The following PLD6 variants were observed in gnomAD, a reference collection of about 807,000 sequenced individuals.
The protein encoded by PLD6 is phospholipase D family member 6, also known as mitochondrial cardiolipin hydrolase.
Under a neutral mutation model 9.7 loss-of-function variants are expected in PLD6, and 10 were observed. That is an observed-to-expected ratio of 1.03 (90% CI 0.64 to 1.75). PLD6 has a LOEUF of 1.75. PLD6 is among the 40% of genes most tolerant of loss of function. The pLI, the probability that PLD6 is intolerant of heterozygous loss-of-function variation, is 0.00. For missense variants in PLD6, 334 were observed against 347.6 expected (o/e 0.96, Z 0.31); for synonymous variants, 152 against 159.2 (o/e 0.96, Z 0.34).
chr17:17,201,930 G>A lies in PLD6; in HGVS notation c.*837C>T, dbSNP rs2046677640. On this transcript the variant is annotated 3_prime_UTR_variant, in exon 2 of 2. Transcript: ENST00000321560. ...GAACCCAGGAGGCAGAGGATGCAGT[G>A]AGCCGAGGTTGTGCCACTGCACTCC... is the stretch of plus-strand genomic sequence containing the variant. 6.6e-6 allele frequency: 1 copy of A among 152,206 alleles called. No individual in the cohort carries two copies. Among genetic ancestry groups the A allele is most frequent in the Non-Finnish European group, 1.5e-5 (1 of 68,060 alleles). 9.4% of individuals were successfully genotyped at this position (152,206 alleles called of 1,614,324 possible).
Position 17,202,482 on chromosome 17 carries a change from T to C in PLD6, c.*285A>G. 1 of 412,012 alleles carries C rather than the reference T, an allele frequency of 2.4e-6. No homozygotes were observed. Among genetic ancestry groups the C allele is most frequent in the Non-Finnish European group, 4.4e-6 (1 of 225,098 alleles). The allele number at this position is 412,012 out of a possible 1,614,324, so 25.5% of individuals were successfully genotyped here. A position where few individuals can be genotyped will look rare whatever the true frequency, so the allele number is the denominator to read the frequency against. On this transcript the variant is annotated 3_prime_UTR_variant, in exon 2 of 2. Transcript: ENST00000321560. ...CCTGGAAGAGGCACTGTGCCTTTTC[T>C]GTGCTGTAGCAGAAGTTTCGATTCC...
rs575487127 is a variant in PLD6 at position 17,201,684 on chromosome 17, A to G, written c.*1083T>C. 7 of 152,380 alleles carry G rather than the reference A, an allele frequency of 4.6e-5. No individual in the cohort carries two copies. The highest frequency in any genetic ancestry group is 1.7e-4 in the African/African-American group (7 of 41,578). 9.4% of individuals were successfully genotyped at this position (152,380 alleles called of 1,614,324 possible). A position where few individuals can be genotyped will look rare whatever the true frequency, so the allele number is the denominator to read the frequency against. Reference sequence around the variant, plus strand: ...AAAATTACCTTAACATTAGGACATTAAAAGTTAAAAGCCCGGCCGGGCATG... The same window carrying G: ...AAAATTACCTTAACATTAGGACATTGAAAGTTAAAAGCCCGGCCGGGCATG... On this transcript the variant is annotated 3_prime_UTR_variant, in exon 2 of 2. Transcript: ENST00000321560.
chr17:17,201,156 T>G lies in PLD6; in HGVS notation c.*1611A>C, dbSNP rs577264760. On this transcript the variant is annotated 3_prime_UTR_variant, in exon 2 of 2. Transcript: ENST00000321560. ...TTCTGGTGACTTCCAATCTATATAT[T>G]ATACTTTACAGCTTCAATTGAATTT... 1.3e-5 allele frequency: 2 copies of G among 152,386 alleles called. No individual in the cohort carries two copies. The highest frequency in any genetic ancestry group is 2.9e-5 in the Non-Finnish European group (2 of 68,048). The allele number at this position is 152,386 out of a possible 1,614,324, so 9.4% of individuals were successfully genotyped here.
At position 17,202,977 on chromosome 17, in the gene PLD6, CCT is replaced by C. The variant is rs1567798591; in HGVS notation, c.547_548del (p.Arg183GlyfsTer20). The C allele has an allele frequency of 6.2e-7, 1 of 1,614,216 alleles. No homozygotes were observed. The highest frequency in any genetic ancestry group is 1.1e-5 in the South Asian group (1 of 91,078). ...NWTTQAIQNN[R>X]ENVLITEDDE... is the part of the protein sequence containing the mutation. ...CGTCCTCCGTGATGAGAACATTCTC[CCT>C]GTTGTTCTGGATGGCTTGCGTGGTC... On this transcript the variant is annotated frameshift_variant, in exon 2 of 2. Coordinates refer to ENST00000321560, the MANE Select transcript of PLD6 (RefSeq NM_178836.4). LOFTEE classifies it low-confidence loss of function (END_TRUNC).
At position 17,202,832 on chromosome 17, in the gene PLD6, T is replaced by A. The variant is rs1389423400; in HGVS notation, c.694A>T (p.Arg232Ter). The A allele has an allele frequency of 6.2e-7, 1 of 1,614,088 alleles. No homozygotes were observed. The highest frequency in any genetic ancestry group is 2.2e-5 in the East Asian group (1 of 44,896). Residue 232 changes from arginine to a stop codon, truncating the protein, a stop_gained, in exon 2 of 2, where the codon AGA (arginine) becomes TGA (stop). Coordinates refer to ENST00000321560, the MANE Select transcript of PLD6 (RefSeq NM_178836.4). LOFTEE classifies it low-confidence loss of function (END_TRUNC). ...CATGAAAGCAATCTCCCTCCAGCTC[T>A]GGAGACAGGTGGGGCACAGCTTCCG... ...SHGSCAPPVS[R>*]AGGRLLSWHR...
chr17:17,205,968 C>T lies in PLD6; in HGVS notation c.319G>A (p.Gly107Ser). Reference protein sequence around the residue: ...CLFAFSSPQLGRAVQLLHQRG... With the variant: ...CLFAFSSPQLSRAVQLLHQRG... ...TGGTGCAGCAACTGCACGGCGCGGC[C>T]CAGCTGCGGGCTGGAGAAGGCGAAC... The change falls in exon 1 of 2, where the codon GGC (glycine) becomes AGC (serine). Residue 107 changes from glycine to serine, a missense_variant. Physicochemically the swap from Gly to Ser is moderately conservative, Grantham distance 56 (BLOSUM62 0). Transcript: ENST00000321560. The T allele has an allele frequency of 6.4e-7, 1 of 1,556,266 alleles. No homozygotes were observed. Among genetic ancestry groups the T allele is most frequent in the Non-Finnish European group, 8.7e-7 (1 of 1,151,824 alleles).
rs4985749 is a variant in PLD6 at position 17,202,368 on chromosome 17, G to A, written c.*399C>T. 105,916 of 196,318 alleles carry A rather than the reference G, an allele frequency of 0.54. 32,670 individuals carry two copies. Among genetic ancestry groups the A allele is most frequent in the East Asian group, 0.71 (5,949 of 8,348 alleles). 12.2% of individuals were successfully genotyped at this position (196,318 alleles called of 1,614,324 possible). A position where few individuals can be genotyped will look rare whatever the true frequency, so the allele number is the denominator to read the frequency against. On this transcript the variant is annotated 3_prime_UTR_variant, in exon 2 of 2. Coordinates refer to ENST00000321560, the MANE Select transcript of PLD6 (RefSeq NM_178836.4). ...ACCCCAGTCGTGCCACATGGAGAGA[G>A]GGATGAAATCTCAGGGAGATGCTGA... is the stretch of plus-strand genomic sequence containing the variant.
chr17:17,205,868 C>A lies in PLD6; in HGVS notation c.419G>T (p.Arg140Leu). The change falls in exon 1 of 2, where the codon CGC (arginine) becomes CTC (leucine). Residue 140 changes from arginine (R) to leucine (L), a missense_variant. Physicochemically the swap from Arg to Leu is moderately radical, Grantham distance 102. Coordinates refer to ENST00000321560, the MANE Select transcript of PLD6 (RefSeq NM_178836.4). Reference sequence around the variant, plus strand: ...GACCCCGCCGGGCCTACCTGCCTTGCGCAGCAGACCGATTTGCGAGCCGTT... The same window carrying A: ...GACCCCGCCGGGCCTACCTGCCTTGAGCAGCAGACCGATTTGCGAGCCGTT... ...ALNGSQIGLL[R>L]KAGIQVRHDQ... is the part of the protein sequence containing the mutation. The A allele has an allele frequency of 8.3e-6, 13 of 1,569,516 alleles. No individual in the cohort carries two copies. The highest frequency in any genetic ancestry group is 1.1e-5 in the Non-Finnish European group (13 of 1,158,500).
chr17:17,206,220 G>C lies in PLD6; in HGVS notation c.67C>G (p.Leu23Val), dbSNP rs768792752. Reference sequence around the variant, plus strand: ...CGCAGCCAGCGCAGCACCCAAGGCAGCGCCTCCAGAGTCAGAGCCAGGCCC... The same window carrying C: ...CGCAGCCAGCGCAGCACCCAAGGCACCGCCTCCAGAGTCAGAGCCAGGCCC... ...AVGLALTLEA[L>V]PWVLRWLRSR... Residue 23 changes from leucine (L) to valine (V), a missense_variant, in exon 1 of 2, where the codon CTG (leucine) becomes GTG (valine). Transcript: ENST00000321560. The C allele has an allele frequency of 5.8e-6, 9 of 1,541,348 alleles. No homozygotes were observed. Among genetic ancestry groups the C allele is most frequent in the South Asian group, 1.2e-5 (1 of 84,704 alleles).
At chr17:17,205,795 C>T in intron 1 of PLD6, 65 bp downstream of exon 1, 1 of 1,519,980 alleles carries the variant, frequency 6.6e-7, no homozygotes, top group Admixed American at 2.0e-5. Context: ...TAAGTGTCCA[C>T]CTTTGCGCCT....
In PLD6 at chr17:17,202,589, A is replaced by T; in HGVS notation, c.*178T>A. 1 of 651,388 alleles carries T rather than the reference A, an allele frequency of 1.5e-6. No homozygotes were observed. Among genetic ancestry groups the T allele is most frequent in the Non-Finnish European group, 2.6e-6 (1 of 387,636 alleles). 40.4% of individuals were successfully genotyped at this position (651,388 alleles called of 1,614,324 possible). ...TTATTTTGGCAAAGGAGCAAGAAAAAGGTCTGGCCCGAAATAACTGACCCG... is the reference window on the plus strand; with the variant it reads ...TTATTTTGGCAAAGGAGCAAGAAAATGGTCTGGCCCGAAATAACTGACCCG... On this transcript the variant is annotated 3_prime_UTR_variant, in exon 2 of 2. Coordinates refer to ENST00000321560, the MANE Select transcript of PLD6 (RefSeq NM_178836.4).
At chr17:17,204,757 G>A (rs1172079768) in intron 1 of PLD6, among the ~76,000 whole-genome samples, 1 of 152,204 alleles carries the variant, frequency 6.6e-6, no homozygotes, top group Non-Finnish European at 1.5e-5. Flanking sequence ...TGGGAGGACA[G>A]CTCTTGTGGC....
chr17:17,201,655 CAACAAAAT>C lies in PLD6; in HGVS notation c.*1104_*1111del, dbSNP rs1179994222. 1.3e-5 allele frequency: 2 copies of C among 152,234 alleles called. No individual in the cohort carries two copies. The highest frequency in any genetic ancestry group is 4.8e-5 in the African/African-American group (2 of 41,452). 9.4% of individuals were successfully genotyped at this position (152,234 alleles called of 1,614,324 possible). A position where few individuals can be genotyped will look rare whatever the true frequency, so the allele number is the denominator to read the frequency against. The stretch of plus-strand genomic sequence containing the variant: ...AAAGGTAAGGTCACTTCTAAACACA[CAACAAAAT>C]TACCTTAACATTAGGACATTAAAAG... On this transcript the variant is annotated 3_prime_UTR_variant, in exon 2 of 2. Transcript: ENST00000321560.
chr17:17,204,073 C>T (rs1208075859), intron 1 of PLD6, among the ~76,000 whole-genome samples: 2 of 152,180 alleles, frequency 1.3e-5, no homozygotes, highest in Admixed American at 1.3e-4. Context: ...GTCGGCACAG[C>T]CCTCCAAACA....
rs1042910636 is a variant in PLD6, at chr17:17,202,532, T to C, written c.*235A>G. On this transcript the variant is annotated 3_prime_UTR_variant, in exon 2 of 2. Coordinates refer to ENST00000321560, the MANE Select transcript of PLD6 (RefSeq NM_178836.4). The stretch of plus-strand genomic sequence containing the variant: ...CAAACCAAGATACGGACCACACTCA[T>C]GAAAGCACCCCGTGGCAGGTCGTGA... 94 of 547,976 alleles carry C rather than the reference T, an allele frequency of 1.7e-4. No homozygotes were observed. Among genetic ancestry groups the C allele is most frequent in the Non-Finnish European group, 5.9e-5 (18 of 306,696 alleles). 33.9% of individuals were successfully genotyped at this position (547,976 alleles called of 1,614,324 possible).
At position 17,202,304 on chromosome 17, in the gene PLD6, G is replaced by A. The variant is rs569060906; in HGVS notation, c.*463C>T. 20 of 161,840 alleles carry A rather than the reference G, an allele frequency of 1.2e-4. No individual in the cohort carries two copies. In the South Asian group the frequency reaches 3.2e-3, roughly 26 times the overall value. The allele number at this position is 161,840 out of a possible 1,614,324, so 10.0% of individuals were successfully genotyped here. On this transcript the variant is annotated 3_prime_UTR_variant, in exon 2 of 2. Transcript: ENST00000321560. ...CTCTGAGGACCGAGCCCTGACAGGG[G>A]CAGACTGTGAGGGACAAGGAGACTG...
intron 1 of PLD6, among the ~76,000 whole-genome samples, chr17:17,205,237 GC>G (rs1233770878): frequency 6.6e-6 from 1 of 152,136 alleles, no homozygotes; most frequent in Non-Finnish European, 1.5e-5. Context: ...TGAGAGAGGC[GC>G]CCCCGCCAGA....
chr17:17,206,167 C>A lies in PLD6; in HGVS notation c.120G>T (p.Glu40Asp). The A allele has an allele frequency of 6.6e-7, 1 of 1,506,140 alleles. No individual in the cohort carries two copies. Among genetic ancestry groups the A allele is most frequent in the East Asian group, 2.7e-5 (1 of 36,618 alleles). The allele number at this position is 1,506,140 out of a possible 1,614,324, so 93.3% of individuals were successfully genotyped here. A position where few individuals can be genotyped will look rare whatever the true frequency, so the allele number is the denominator to read the frequency against. The change falls in exon 1 of 2, where the codon GAG becomes GAT. Residue 40 changes from glutamate to aspartate, a missense_variant. Physicochemically the swap from Glu to Asp is conservative, Grantham distance 45. Transcript: ENST00000321560. ...LRSRRRRPRR[E>D]ALFFPSQVTC... Reference sequence around the variant, plus strand: ...TCACCTGAGACGGGAAGAACAGCGCCTCGCGCCGCGGCCGCCGCCGCCTGG... The same window carrying A: ...TCACCTGAGACGGGAAGAACAGCGCATCGCGCCGCGGCCGCCGCCGCCTGG...
At chr17:17,203,655 C>G (rs1202406640) in intron 1 of PLD6, among the ~76,000 whole-genome samples, 3 of 152,200 alleles carry the variant, frequency 2.0e-5, no homozygotes, top group Non-Finnish European at 4.4e-5. Context: ...AACCAGGCAT[C>G]CCGGCCTCTG....
Sources: allele counts gnomAD v4.1 joint callset (sites outside exome capture counted in the v4.1 genomes callset), GRCh38; gene constraint gnomAD v4.1.1; transcripts MANE v1.5; gene names NCBI Gene and HGNC (gene_info 2026-07-23, HGNC 2026-07-21).